RNF111: variants seen among roughly 807,000 people sequenced by gnomAD.
RNF111 encodes E3 ubiquitin-protein ligase Arkadia.
In RNF111, 17 loss-of-function variants were observed where a neutral mutation model predicts 95.1. That is an observed-to-expected ratio of 0.18 (90% CI 0.12 to 0.27). The LOEUF (loss-of-function observed/expected upper bound fraction) is 0.27, where lower values mean the gene tolerates loss of function less well. Among genes scored for constraint, RNF111 ranks in the 10% least tolerant of loss-of-function variants. The probability of loss-of-function intolerance (pLI) is 1.00; values close to 1 mark genes in which losing one functional copy is unlikely to be tolerated. For missense variants in RNF111, 1,189 were observed against 1,210.4 expected (o/e 0.98, Z 0.26); for synonymous variants, 440 against 414.8 (o/e 1.06, Z -0.74).
chr15:59,000,618 G>A (rs2039285321), intron 1 of RNF111, among the ~76,000 whole-genome samples: 1 of 151,564 alleles, frequency 6.6e-6, no homozygotes, highest in Non-Finnish European at 1.5e-5. Context: ...GCTGAGGCAC[G>A]AGAATTGCTT....
At chr15:59,007,524 A>G (rs2039596739) in intron 1 of RNF111, among the ~76,000 whole-genome samples, 1 of 152,208 alleles carries the variant, frequency 6.6e-6, no homozygotes, top group South Asian at 2.1e-4. Flanking sequence ...AGCGATGAAC[A>G]TTCATATACA....
chr15:59,041,577 T>C (rs2041454223), intron 2 of RNF111, among the ~76,000 whole-genome samples: 1 of 152,090 alleles, frequency 6.6e-6, no homozygotes, highest in South Asian at 2.1e-4. Context: ...AAAAAAAAAT[T>C]ACTGCAATAA....
chr15:59,027,779 C>T (rs542574311), intron 1 of RNF111, among the ~76,000 whole-genome samples: 19 of 151,472 alleles, frequency 1.3e-4, no homozygotes, highest in South Asian at 6.3e-4. Flanking sequence ...GTGATCCACC[C>T]GCTTCAGCCT....
chr15:59,023,233 G>A (rs2040433494), intron 1 of RNF111, among the ~76,000 whole-genome samples: 3 of 152,158 alleles, frequency 2.0e-5, no homozygotes, highest in Admixed American at 2.0e-4. Flanking sequence ...GGGTGACAGA[G>A]CAAGACTCAA....
chr15:59,076,556 C>G (rs373828810), intron 7 of RNF111, among the ~76,000 whole-genome samples: 1 of 152,128 alleles, frequency 6.6e-6, no homozygotes, highest in Non-Finnish European at 1.5e-5. Flanking sequence ...TCATTTGATG[C>G]AGGCAATTAA....
chr15:58,994,669 G>A (rs1000495088), intron 1 of RNF111, among the ~76,000 whole-genome samples: 7 of 151,636 alleles, frequency 4.6e-5, no homozygotes, highest in Non-Finnish European at 7.4e-5. Flanking sequence ...TTAGAGACGA[G>A]GTTTCACCCT....
At position 59,030,895 on chromosome 15, in the gene RNF111, G is replaced by C. The variant is rs986514088; in HGVS notation, c.73G>C (p.Asp25His). ...GGATATGAAGAGTGAGATTCCTTCT[G>C]ATGCACCAAAGACACAGGAGAGTCT... ...KVDMKSEIPS[D>H]APKTQESLKG... Residue 25 changes from aspartate to histidine, a missense_variant, in exon 2 of 14, where the codon GAT (aspartate) becomes CAT (histidine). Physicochemically the swap from Asp to His is moderately conservative, Grantham distance 81. Transcript: ENST00000348370. 8.1e-6 allele frequency: 13 copies of C among 1,614,178 alleles called. No individual in the cohort carries two copies. Among genetic ancestry groups the C allele is most frequent in the Non-Finnish European group, 1.1e-5 (13 of 1,180,020 alleles).
chr15:59,023,959 T>A (rs1229416522), intron 1 of RNF111, among the ~76,000 whole-genome samples: 2 of 152,196 alleles, frequency 1.3e-5, no homozygotes, highest in East Asian at 3.8e-4. Flanking sequence ...TAATATTTCC[T>A]ATTCTCCAAG....
intron 3 of RNF111, among the ~76,000 whole-genome samples, chr15:59,054,870 A>C (rs2042140332): frequency 6.6e-6 from 1 of 152,218 alleles, no homozygotes; most frequent in Non-Finnish European, 1.5e-5. Flanking sequence ...GAACAGGAGA[A>C]AGCCCTTGTG....
At chr15:59,038,946 A>G (rs944645478) in intron 2 of RNF111, among the ~76,000 whole-genome samples, 2 of 151,984 alleles carry the variant, frequency 1.3e-5, no homozygotes, top group African/African-American at 2.4e-5. Flanking sequence ...GCCCAGATTC[A>G]TTATATTAGG....
intron 5 of RNF111, among the ~76,000 whole-genome samples, chr15:59,063,622 C>T (rs753117492): frequency 6.6e-6 from 1 of 152,246 alleles, no homozygotes; most frequent in Non-Finnish European, 1.5e-5. Context: ...TAGTAACTCT[C>T]GAATGAGAGG....
chr15:59,006,713 A>G (rs2039555426), intron 1 of RNF111, among the ~76,000 whole-genome samples: 1 of 152,254 alleles, frequency 6.6e-6, no homozygotes, highest in African/African-American at 2.4e-5. Context: ...ATAAAGTTAC[A>G]GACGCCAGTG....
chr15:59,011,323 ATATTTCT>A (rs2039797532), intron 1 of RNF111, among the ~76,000 whole-genome samples: 1 of 152,172 alleles, frequency 6.6e-6, no homozygotes, highest in Non-Finnish European at 1.5e-5. Context: ...TTACCTAGTG[ATATTTCT>A]CACTAACTGC....
At chr15:59,090,772 A>C (rs990379153) in intron 11 of RNF111, among the ~76,000 whole-genome samples, 1 of 152,186 alleles carries the variant, frequency 6.6e-6, no homozygotes, top group Non-Finnish European at 1.5e-5. Flanking sequence ...TATGAGAAAC[A>C]TTAAGTCAGG....
chr15:59,076,314 T>C, intron 7 of RNF111, 99 bp downstream of exon 7: 1 of 1,352,320 alleles, frequency 7.4e-7, no homozygotes, highest in African/African-American at 1.4e-5. Flanking sequence ...CTTAAATTTT[T>C]AGTATTTACT....
intron 6 of RNF111, among the ~76,000 whole-genome samples, chr15:59,075,290 A>G (rs193292524): frequency 6.6e-6 from 1 of 152,330 alleles, no homozygotes; most frequent in African/African-American, 2.4e-5. Context: ...AAAGCACTAA[A>G]TGTGCCTATA....
At chr15:59,028,932 C>T (rs1276372846) in intron 1 of RNF111, among the ~76,000 whole-genome samples, 1 of 151,936 alleles carries the variant, frequency 6.6e-6, no homozygotes, top group Admixed American at 6.6e-5. Flanking sequence ...GTCAGTGCGC[C>T]ACTATCCTGG....
chr15:59,034,931 C>T (rs566509487), intron 2 of RNF111, among the ~76,000 whole-genome samples: 17 of 152,222 alleles, frequency 1.1e-4, no homozygotes, highest in African/African-American at 2.9e-4. Flanking sequence ...TCCATTGTCA[C>T]GCTGCTAATA....
At chr15:59,021,906 G>A (rs2040363848) in intron 1 of RNF111, among the ~76,000 whole-genome samples, 1 of 151,926 alleles carries the variant, frequency 6.6e-6, no homozygotes, top group Non-Finnish European at 1.5e-5. Context: ...TGTCACCCAG[G>A]CTGAAGTACA....
Sources: gnomAD v4.1 joint callset for allele counts (sites outside exome capture counted in the v4.1 genomes callset) on GRCh38, gnomAD v4.1.1 for gene constraint, MANE v1.5 for transcripts, NCBI Gene and HGNC (gene_info 2026-07-23, HGNC 2026-07-21) for gene names.